The following GBE1 variants were observed in gnomAD, a reference collection of about 807,000 sequenced individuals.
GBE1 encodes the protein 1,4-alpha-glucan-branching enzyme.
Under a neutral mutation model 88.8 loss-of-function variants are expected in GBE1, and 70 were observed. The ratio of observed to expected loss-of-function variants is 0.79; its 90% CI spans 0.65 to 0.96. The LOEUF (loss-of-function observed/expected upper bound fraction) is 0.96. Among genes scored for constraint, GBE1 ranks in the 40% least tolerant of loss-of-function variants. The probability of loss-of-function intolerance (pLI) is 0.00; values close to 1 mark genes in which losing one functional copy is unlikely to be tolerated. For missense variants in GBE1, 872 were observed against 871.0 expected, an observed-to-expected ratio of 1.00 and a Z score of -0.01; for synonymous variants, 284 against 300.1, an observed-to-expected ratio of 0.95 and a Z score of 0.56.
chr3:81,681,691 A>C (rs1705344803), intron 2 of GBE1, among the ~76,000 whole-genome samples: 1 of 152,222 alleles, frequency 6.6e-6, no homozygotes, highest in South Asian at 2.1e-4. Context: ...TGAATGAGGG[A>C]AAGAATAGTC....
chr3:81,593,640 C>T (rs1448934725), intron 8 of GBE1, among the ~76,000 whole-genome samples: 2 of 151,990 alleles, frequency 1.3e-5, no homozygotes, highest in Non-Finnish European at 2.9e-5. Context: ...GTAGTGTTCA[C>T]ATCCTGAGAG....
rs372794120 is a variant in GBE1, at chr3:81,568,880, C to T, written c.1618+9045G>A. ...TATAAATGGAGAGATAACATTTATA[C>T]ACAGATTGTGAGCTAAATGGAGAGA... On this transcript the variant is annotated intron_variant, in intron 12 of 15. Coordinates refer to ENST00000429644, the MANE Select transcript of GBE1 (RefSeq NM_000158.4). 1.3e-4 allele frequency among the ~76,000 whole-genome samples: 19 copies of T among 151,924 alleles called. No homozygotes were observed. In the South Asian group the frequency reaches 4.0e-3, roughly 32 times the overall value.
intron 1 of GBE1, among the ~76,000 whole-genome samples, chr3:81,721,352 T>G (rs1276079612): frequency 6.6e-6 from 1 of 150,760 alleles, no homozygotes; most frequent in Non-Finnish European, 1.5e-5. Context: ...CTATTCAACA[T>G]CAGTAAAATG....
chr3:81,558,874 G>A (rs538069051), intron 12 of GBE1, among the ~76,000 whole-genome samples: 5 of 152,206 alleles, frequency 3.3e-5, no homozygotes, highest in African/African-American at 1.2e-4. Flanking sequence ...ATGGGTGTCT[G>A]TAGGAAAGAA....
chr3:81,742,966 T>A (rs1706370892), intron 1 of GBE1, among the ~76,000 whole-genome samples: 2 of 152,104 alleles, frequency 1.3e-5, no homozygotes, highest in South Asian at 4.1e-4. Flanking sequence ...TATTTCTAGA[T>A]TCCTAATATT....
Position 81,593,899 on chromosome 3 carries a change from GT to G in GBE1, c.1108+8del, listed in dbSNP as rs2106956909. 1 of 1,429,928 alleles carries G rather than the reference GT, an allele frequency of 7.0e-7. No individual in the cohort carries two copies. The highest frequency in any genetic ancestry group is 1.3e-5 in the South Asian group (1 of 79,598). The allele number at this position is 1,429,928 out of a possible 1,614,324, so 88.6% of individuals were successfully genotyped here. ...TTAACCCCAAACCTGATTATATCAG[GT>G]TACCTACCCACTCCATGGTGATGAT... is the stretch of plus-strand genomic sequence containing the variant. On this transcript the variant is annotated splice_region_variant and intron_variant, in intron 8 of 15. Coordinates refer to ENST00000429644, the MANE Select transcript of GBE1 (RefSeq NM_000158.4).
At chr3:81,605,671 A>G (rs891084469) in intron 7 of GBE1, among the ~76,000 whole-genome samples, 1 of 152,206 alleles carries the variant, frequency 6.6e-6, no homozygotes, top group Admixed American at 6.6e-5. Flanking sequence ...AAAGGTGCAC[A>G]TAATAATAGA....
chr3:81,534,194 T>G (rs1703044544), intron 14 of GBE1, among the ~76,000 whole-genome samples: 1 of 151,982 alleles, frequency 6.6e-6, no homozygotes, highest in Non-Finnish European at 1.5e-5. Context: ...GATTTATTGC[T>G]AGGTCCTGAA....
chr3:81,599,927 C>T (rs937440922), intron 7 of GBE1, among the ~76,000 whole-genome samples: 10 of 152,276 alleles, frequency 6.6e-5, no homozygotes, highest in Non-Finnish European at 1.2e-4. Flanking sequence ...TTCATATACT[C>T]CTTTTTCATT....
At chr3:81,499,479 C>A (rs1488237638) in intron 14 of GBE1, among the ~76,000 whole-genome samples, 1 of 152,150 alleles carries the variant, frequency 6.6e-6, no homozygotes, top group African/African-American at 2.4e-5. Flanking sequence ...ACGAAACATA[C>A]CTAATCTACT....
chr3:81,557,423 C>T (rs1703362618), intron 12 of GBE1, among the ~76,000 whole-genome samples: 1 of 150,644 alleles, frequency 6.6e-6, no homozygotes, highest in South Asian at 2.1e-4. Flanking sequence ...TCCCAGATTT[C>T]AATGGTTAAT....
intron 7 of GBE1, among the ~76,000 whole-genome samples, chr3:81,611,297 G>C (rs761591216): frequency 6.6e-5 from 10 of 152,128 alleles, no homozygotes; most frequent in Non-Finnish European, 1.2e-4. Context: ...AACTCATCTG[G>C]TATAGTACAT....
chr3:81,539,625 G>A lies in GBE1; in HGVS notation c.1619-2530C>T, dbSNP rs113856598. ...TGTGGAAACACAGAAAAGAATGATCGATTCAAATGGCATTTCTGAGATGGA... is the reference window on the plus strand; with the variant it reads ...TGTGGAAACACAGAAAAGAATGATCAATTCAAATGGCATTTCTGAGATGGA... On this transcript the variant is annotated intron_variant, in intron 12 of 15. Coordinates refer to ENST00000429644, the MANE Select transcript of GBE1 (RefSeq NM_000158.4). 2.0e-4 allele frequency among the ~76,000 whole-genome samples: 31 copies of A among 152,058 alleles called. 1 individual carries two copies. The highest frequency in any genetic ancestry group is 1.7e-3 in the South Asian group (8 of 4,828).
intron 7 of GBE1, among the ~76,000 whole-genome samples, chr3:81,642,409 T>C (rs1404537201): frequency 1.3e-5 from 2 of 152,204 alleles, no homozygotes; most frequent in Non-Finnish European, 2.9e-5. Context: ...CAATGAAGTA[T>C]GATTTTTTTA....
At chr3:81,700,264 G>T (rs75653081) in intron 2 of GBE1, among the ~76,000 whole-genome samples, 105 of 152,204 alleles carry the variant, frequency 6.9e-4, no homozygotes, top group Non-Finnish European at 1.1e-3. Flanking sequence ...AAAGAAGCTG[G>T]TATCAGAATT....
At chr3:81,527,637 C>T (rs1198609073) in intron 14 of GBE1, among the ~76,000 whole-genome samples, 16 of 152,070 alleles carry the variant, frequency 1.1e-4, no homozygotes, top group African/African-American at 3.6e-4. Context: ...CACTGGCCAT[C>T]AGAGAAATGC....
intron 7 of GBE1, among the ~76,000 whole-genome samples, chr3:81,640,185 A>G (rs1175364147): frequency 2.6e-5 from 4 of 151,858 alleles, no homozygotes; most frequent in African/African-American, 9.7e-5. Context: ...AAGGATGCAA[A>G]GTATTGTTCC....
At chr3:81,578,225 T>C in intron 11 of GBE1, 129 bp from the exon 12 acceptor site, 1 of 639,136 alleles carries the variant, frequency 1.6e-6, no homozygotes, top group South Asian at 2.7e-5. Flanking sequence ...TTAATATTAA[T>C]TTCAGGTATT....
intron 2 of GBE1, among the ~76,000 whole-genome samples, chr3:81,692,228 G>C (rs1705531211): frequency 6.6e-6 from 1 of 152,162 alleles, no homozygotes; most frequent in South Asian, 2.1e-4. Flanking sequence ...TGCTCAATTA[G>C]ATAGAATCAC....
Sources: allele counts gnomAD v4.1 joint callset (sites outside exome capture counted in the v4.1 genomes callset), GRCh38; gene constraint gnomAD v4.1.1; transcripts MANE v1.5; gene names NCBI Gene and HGNC (gene_info 2026-07-23, HGNC 2026-07-21).